CLINT1: variants seen among roughly 807,000 people sequenced by gnomAD.
CLINT1 encodes clathrin interacting protein localized in the trans-Golgi region.
In CLINT1, 15 loss-of-function variants were observed where a neutral mutation model predicts 70.4. The observed-to-expected ratio is 0.21, with a 90% CI of 0.14 to 0.33. The LOEUF is 0.33. Ranked by LOEUF, CLINT1 falls within the 10% of genes least tolerant of loss-of-function variation. The probability of loss-of-function intolerance (pLI) is 1.00; values close to 1 mark genes in which losing one functional copy is unlikely to be tolerated. For missense variants in CLINT1, 615 were observed against 778.1 expected (o/e 0.79, Z 2.49); for synonymous variants, 227 against 254.7 (o/e 0.89, Z 1.04).
chr5:157,844,463 T>C (rs1753300484), intron 1 of CLINT1, among the ~76,000 whole-genome samples: 2 of 152,204 alleles, frequency 1.3e-5, no homozygotes, highest in Non-Finnish European at 2.9e-5. Context: ...ACATGTCTTA[T>C]AGTACTCTAC....
chr5:157,844,332 T>C (rs757343815), intron 1 of CLINT1, among the ~76,000 whole-genome samples: 2 of 152,180 alleles, frequency 1.3e-5, no homozygotes, highest in Non-Finnish European at 2.9e-5. Context: ...ATGACAGAAC[T>C]AGCTTCTAAG....
Position 157,837,348 on chromosome 5 carries a change from G to A in CLINT1, c.42-19801C>T, listed in dbSNP as rs868265611. Among the ~76,000 whole-genome samples the A allele has an allele frequency of 5.3e-5, 8 of 152,258 alleles. No homozygotes were observed. The South Asian group carries it at 1.2e-3, about 24-fold the overall frequency. On this transcript the variant is annotated intron_variant, in intron 1 of 11. Coordinates refer to ENST00000411809, the MANE Select transcript of CLINT1 (RefSeq NM_014666.4). ...CTAGATTGTGCCACTGCACTACAGC[G>A]TGGATGGCAGAGTGAGACCCTGTCC...
chr5:157,795,280 C>T (rs1318801697), intron 8 of CLINT1: 1 of 260,290 alleles, frequency 3.8e-6, no homozygotes, highest in East Asian at 8.1e-5. Flanking sequence ...GCCAATTATG[C>T]TCTTTATAAG....
intron 1 of CLINT1, among the ~76,000 whole-genome samples, chr5:157,846,828 T>A (rs1460690130): frequency 5.3e-5 from 8 of 152,204 alleles, no homozygotes; most frequent in Non-Finnish European, 1.2e-4. Context: ...CTAAATCTAC[T>A]CTGCTTGTGC....
chr5:157,790,580 C>A, intron 10 of CLINT1: 1 of 446,716 alleles, frequency 2.2e-6, no homozygotes, highest in Middle Eastern at 3.3e-4. Flanking sequence ...GGTCTTATTT[C>A]TGTTACATAG....
chr5:157,814,681 T>C lies in CLINT1; in HGVS notation c.244-388A>G, dbSNP rs139535517. Among the ~76,000 whole-genome samples the C allele has an allele frequency of 7.2e-3, 1,094 of 152,326 alleles. 5 individuals carry two copies. The highest frequency in any genetic ancestry group is 0.024 in the Middle Eastern group (7 of 294). Reference sequence around the variant, plus strand: ...AAATTATTTGGTAATTAAACAATCCTATAGTATTTTCCCCAGATAAAATTT... The same window carrying C: ...AAATTATTTGGTAATTAAACAATCCCATAGTATTTTCCCCAGATAAAATTT... On this transcript the variant is annotated intron_variant, in intron 3 of 11. Coordinates refer to ENST00000411809, the MANE Select transcript of CLINT1 (RefSeq NM_014666.4).
At chr5:157,842,541 A>G (rs190857895) in intron 1 of CLINT1, among the ~76,000 whole-genome samples, 1 of 152,370 alleles carries the variant, frequency 6.6e-6, no homozygotes, top group East Asian at 1.9e-4. Flanking sequence ...ATGGTAACAG[A>G]CTATTTATGA....
intron 1 of CLINT1, among the ~76,000 whole-genome samples, chr5:157,830,751 T>C (rs913288754): frequency 4.3e-4 from 48 of 110,356 alleles, no homozygotes; most frequent in African/African-American, 1.6e-3. Context: ...CCCCTCCCTC[T>C]CTCTCCCTCT....
chr5:157,788,968 G>GAAAAAAAAAAAAAAAAA (rs58634730), intron 11 of CLINT1, among the ~76,000 whole-genome samples: 2 of 95,604 alleles, frequency 2.1e-5, no homozygotes, highest in East Asian at 2.8e-4. Context: ...CTCCATCTCA[G>GAAAAAAAAAAAAAAAAA]AAAAAAAAAA....
At chr5:157,817,918 T>C (rs1349104708) in intron 1 of CLINT1, among the ~76,000 whole-genome samples, 1 of 152,190 alleles carries the variant, frequency 6.6e-6, no homozygotes, top group African/African-American at 2.4e-5. Flanking sequence ...TTACATGCAA[T>C]GCAGGCTTAT....
rs988006090 is a variant in CLINT1 at position 157,797,085 on chromosome 5, T to C, written c.1013-2113A>G. 8.5e-5 allele frequency among the ~76,000 whole-genome samples: 13 copies of C among 152,312 alleles called. No homozygotes were observed. The East Asian group carries it at 1.9e-3, about 23-fold the overall frequency. On this transcript the variant is annotated intron_variant, in intron 8 of 11. Transcript: ENST00000411809. ...TGTGACAAGGAACACAAAAGTTCAA[T>C]GAGTTATACATGTTTAAACCATTTA...
Position 157,813,185 on chromosome 5 carries a change from A to C in CLINT1, c.395T>G (p.Val132Gly). Residue 132 changes from valine (V) to glycine (G), a missense_variant, in exon 5 of 12, where the codon GTG (valine) becomes GGG (glycine). Physicochemically the swap from Val to Gly is moderately radical, Grantham distance 109 (BLOSUM62 -3). Around this residue, in one of 2 missense-constraint regions of CLINT1, gnomAD observed 241 missense variants for 368.6 expected, o/e 0.65. Coordinates refer to ENST00000411809, the MANE Select transcript of CLINT1 (RefSeq NM_014666.4). ...CTGGGCAAATTCAACCAATTCCTTC[A>C]CCTTCTGTCGAATATTTATACCTTG... ...KDQGINIRQK[V>G]KELVEFAQDD... The C allele has an allele frequency of 6.2e-7, 1 of 1,613,630 alleles. No individual in the cohort carries two copies.
intron 1 of CLINT1, among the ~76,000 whole-genome samples, chr5:157,854,552 G>A (rs1753683518): frequency 6.6e-6 from 1 of 152,092 alleles, no homozygotes; most frequent in African/African-American, 2.4e-5. Flanking sequence ...AAAATAAAAA[G>A]AAACCAGACT....
chr5:157,792,135 T>C (rs1761933761), intron 9 of CLINT1, 140 bp from the exon 10 acceptor site: 1 of 684,660 alleles, frequency 1.5e-6, no homozygotes. Context: ...ATCTGGACAG[T>C]ATTCTTTCTC....
At chr5:157,806,987 A>C (rs946258042) in intron 6 of CLINT1, among the ~76,000 whole-genome samples, 4 of 151,400 alleles carry the variant, frequency 2.6e-5, no homozygotes, top group Non-Finnish European at 5.9e-5. Flanking sequence ...AGAGAGAGAG[A>C]GAGCGAAAGA....
At chr5:157,789,671 T>A in intron 10 of CLINT1, 158 bp from the exon 11 acceptor site, 2 of 895,336 alleles carry the variant, frequency 2.2e-6, no homozygotes, top group Non-Finnish European at 3.4e-6. Flanking sequence ...AAAGAACCAC[T>A]AATGTTCTAT....
At chr5:157,803,556 G>A (rs1762292919) in intron 8 of CLINT1, 94 bp downstream of exon 8, 1 of 789,068 alleles carries the variant, frequency 1.3e-6, no homozygotes, top group Non-Finnish European at 1.8e-6. Context: ...TGAACCCAAT[G>A]CAAATAAGTA....
At chr5:157,856,324 T>C (rs1473418057) in intron 1 of CLINT1, among the ~76,000 whole-genome samples, 2 of 152,194 alleles carry the variant, frequency 1.3e-5, no homozygotes, top group Non-Finnish European at 2.9e-5. Flanking sequence ...ATTTTACAGA[T>C]AAGGAAGGCA....
chr5:157,849,858 CA>C, intron 1 of CLINT1, among the ~76,000 whole-genome samples: 1 of 152,162 alleles, frequency 6.6e-6, no homozygotes, highest in East Asian at 1.9e-4. Context: ...TGTATTCATT[CA>C]AAAATATTTG....
Sources: gnomAD v4.1 joint callset for allele counts (sites outside exome capture counted in the v4.1 genomes callset) on GRCh38, gnomAD v4.1.1 for gene constraint, gnomAD v4.1.1 regional missense constraint, MANE v1.5 for transcripts, NCBI Gene and HGNC (gene_info 2026-07-23, HGNC 2026-07-21) for gene names.